The following MAP2K5 variants were observed in gnomAD, a reference collection of about 807,000 sequenced individuals.
MAP2K5 encodes mitogen-activated protein kinase kinase 5, also known as dual specificity mitogen-activated protein kinase kinase 5.
In MAP2K5, 49 loss-of-function variants were observed where a neutral mutation model predicts 83.1. That is an observed-to-expected ratio of 0.59 (90% CI 0.47 to 0.75). The LOEUF (loss-of-function observed/expected upper bound fraction) is 0.75, where lower values mean the gene tolerates loss of function less well. Among genes scored for constraint, MAP2K5 ranks in the 30% least tolerant of loss-of-function variants. The pLI, the probability that MAP2K5 is intolerant of heterozygous loss-of-function variation, is 0.00. For synonymous variants in MAP2K5, 202 were observed against 191.8 expected (o/e 1.05, Z -0.44); for missense variants, 457 against 557.5 (o/e 0.82, Z 1.82).
chr15:67,782,392 G>A lies in MAP2K5; in HGVS notation c.1242+9640G>A, dbSNP rs554803239. On this transcript the variant is annotated intron_variant, in intron 21 of 21. Coordinates refer to ENST00000178640, the MANE Select transcript of MAP2K5 (RefSeq NM_145160.3). This position sits in a 1 kb window ranked among gnomAD's most constrained non-coding sequence, Gnocchi z 4.9. ...AAACAGATGCCCTAACCATTTTGGG[G>A]GATTGATTTGAGGGCACCGAGGAAT... Among the ~76,000 whole-genome samples, 5 of 152,320 alleles carry A rather than the reference G, an allele frequency of 3.3e-5. No individual in the cohort carries two copies. In the East Asian group the frequency reaches 7.7e-4, roughly 23 times the overall value.
chr15:67,744,937 T>C (rs2089571309), intron 17 of MAP2K5, among the ~76,000 whole-genome samples: 1 of 152,198 alleles, frequency 6.6e-6, no homozygotes, highest in Non-Finnish European at 1.5e-5. Context: ...TTCTTCCCCA[T>C]TTAAACACAT....
rs563949939 is a variant in MAP2K5 at position 67,748,006 on chromosome 15, C to T, written c.1075-225C>T. 1.1e-4 allele frequency among the ~76,000 whole-genome samples: 16 copies of T among 152,292 alleles called. No homozygotes were observed. The highest frequency in any genetic ancestry group is 3.8e-4 in the African/African-American group (16 of 41,570). On this transcript the variant is annotated intron_variant, in intron 17 of 21. Transcript: ENST00000178640. This position sits in a 1 kb window ranked among gnomAD's most constrained non-coding sequence, Gnocchi z 4.0. The stretch of plus-strand genomic sequence containing the variant: ...GGTTTTTCTCCCTATTCTAATACAA[C>T]CTGGAGGGTACTAAAAAGTGTTGTG...
In MAP2K5 at chr15:67,652,631, T is replaced by C. The variant is rs1021909979; in HGVS notation, c.737-5922T>C. Among the ~76,000 whole-genome samples the C allele has an allele frequency of 2.6e-5, 4 of 152,182 alleles. No homozygotes were observed. The highest frequency in any genetic ancestry group is 5.9e-5 in the Non-Finnish European group (4 of 68,030). On this transcript the variant is annotated intron_variant, in intron 11 of 21. Coordinates refer to ENST00000178640, the MANE Select transcript of MAP2K5 (RefSeq NM_145160.3). The surrounding 1 kb of genome is among the most constrained non-coding windows in gnomAD (Gnocchi z 4.2). ...TGGGAGTGAGATTTCAACATGAGTT[T>C]TGAAGGGGACAAATATTCAAACTGT... is the stretch of plus-strand genomic sequence containing the variant.
chr15:67,565,322 C>T lies in MAP2K5; in HGVS notation c.252+1972C>T, dbSNP rs905047035. ...TTGGCTCACTGCAACCTCTGTCTCC[C>T]GGGTTTAAGCAATTCTCCTGCCTCA... On this transcript the variant is annotated intron_variant, in intron 3 of 21. Transcript: ENST00000178640. This position sits in a 1 kb window ranked among gnomAD's most constrained non-coding sequence, Gnocchi z 4.1. Among the ~76,000 whole-genome samples, 1 of 151,958 alleles carries T rather than the reference C, an allele frequency of 6.6e-6. No individual in the cohort carries two copies. The highest frequency in any genetic ancestry group is 1.5e-5 in the Non-Finnish European group (1 of 67,998).
intron 17 of MAP2K5, among the ~76,000 whole-genome samples, chr15:67,739,464 T>A (rs7176845): frequency 3.5e-3 from 73 of 20,644 alleles, no homozygotes; most frequent in African/African-American, 5.4e-3. Context: ...ATATATATAT[T>A]TTTTTTTTTT....
In MAP2K5 at chr15:67,717,886, C is replaced by G. The variant is rs1325438742; in HGVS notation, c.1045-10030C>G. 6.6e-6 allele frequency: 1 copy of G among 152,186 alleles called. No individual in the cohort carries two copies. The highest frequency in any genetic ancestry group is 1.5e-5 in the Non-Finnish European group (1 of 68,048). 9.4% of individuals were successfully genotyped at this position (152,186 alleles called of 1,614,324 possible). A position where few individuals can be genotyped will look rare whatever the true frequency, so the allele number is the denominator to read the frequency against. ...TTAAGGCCCAACCTCAGAAATTACACAGGATTGTTCCTGCCACATTCTGTT... is the reference window on the plus strand; with the variant it reads ...TTAAGGCCCAACCTCAGAAATTACAGAGGATTGTTCCTGCCACATTCTGTT... On this transcript the variant is annotated intron_variant, in intron 16 of 21. Coordinates refer to ENST00000178640, the MANE Select transcript of MAP2K5 (RefSeq NM_145160.3). The surrounding 1 kb of genome is among the most constrained non-coding windows in gnomAD (Gnocchi z 4.1).
At chr15:67,613,440 G>A (rs1296597489) in intron 8 of MAP2K5, among the ~76,000 whole-genome samples, 5 of 152,152 alleles carry the variant, frequency 3.3e-5, no homozygotes, top group South Asian at 2.1e-4. Context: ...ACATGTGAAA[G>A]ACCAGCTGTT....
At chr15:67,651,859 CT>C (rs2141129301) in intron 11 of MAP2K5, among the ~76,000 whole-genome samples, 1 of 152,292 alleles carries the variant, frequency 6.6e-6, no homozygotes, top group East Asian at 1.9e-4. Flanking sequence ...GATTTCCTTT[CT>C]TTTGGATATA....
At chr15:67,699,243 G>A (rs1423683339) in intron 15 of MAP2K5, among the ~76,000 whole-genome samples, 2 of 151,954 alleles carry the variant, frequency 1.3e-5, no homozygotes, top group East Asian at 3.9e-4. Flanking sequence ...TAGAATGGGA[G>A]CCCCATCACT....
chr15:67,726,145 G>T (rs909789202), intron 16 of MAP2K5, among the ~76,000 whole-genome samples: 5 of 152,146 alleles, frequency 3.3e-5, no homozygotes, highest in African/African-American at 1.2e-4. Context: ...TATATTTTGT[G>T]TACAAGATAT....
At chr15:67,771,422 G>A (rs564146876) in intron 20 of MAP2K5, among the ~76,000 whole-genome samples, 1 of 152,114 alleles carries the variant, frequency 6.6e-6, no homozygotes, top group African/African-American at 2.4e-5. Context: ...AGTGGATAAG[G>A]CTTCACCTCC....
At chr15:67,554,764 G>A (rs2084590022) in intron 2 of MAP2K5, among the ~76,000 whole-genome samples, 1 of 152,236 alleles carries the variant, frequency 6.6e-6, no homozygotes, top group Non-Finnish European at 1.5e-5. Flanking sequence ...TTAGTAATGA[G>A]CTTGCTGCCT....
chr15:67,749,054 A>G lies in MAP2K5; in HGVS notation c.1134+453A>G, dbSNP rs181787144. 1.3e-5 allele frequency among the ~76,000 whole-genome samples: 2 copies of G among 152,216 alleles called. No homozygotes were observed. The highest frequency in any genetic ancestry group is 4.8e-5 in the African/African-American group (2 of 41,502). On this transcript the variant is annotated intron_variant, in intron 19 of 21. Coordinates refer to ENST00000178640, the MANE Select transcript of MAP2K5 (RefSeq NM_145160.3). The surrounding 1 kb of genome is among the most constrained non-coding windows in gnomAD (Gnocchi z 4.6). The stretch of plus-strand genomic sequence containing the variant: ...ATCAGAGTGATAAAAGGGCTCAAAA[A>G]CTCTAGGTCAACAGTTCAGCGTTAA...
chr15:67,625,225 C>G (rs931886795), intron 8 of MAP2K5, among the ~76,000 whole-genome samples: 1 of 152,206 alleles, frequency 6.6e-6, no homozygotes, highest in Admixed American at 6.5e-5. Context: ...TTCGCTTGCA[C>G]TGGGCTCTTT....
intron 8 of MAP2K5, among the ~76,000 whole-genome samples, chr15:67,625,289 A>G (rs954420291): frequency 2.0e-5 from 3 of 152,168 alleles, no homozygotes; most frequent in Non-Finnish European, 4.4e-5. Context: ...TTGCCATGGT[A>G]AAGTGTATGT....
intron 7 of MAP2K5, among the ~76,000 whole-genome samples, chr15:67,598,336 A>T (rs2085576028): frequency 6.6e-6 from 1 of 152,234 alleles, no homozygotes; most frequent in South Asian, 2.1e-4. Flanking sequence ...ATACTAAGTG[A>T]CATGGTTCCA....
intron 19 of MAP2K5, among the ~76,000 whole-genome samples, chr15:67,754,659 G>T (rs2089795614): frequency 6.6e-6 from 1 of 152,176 alleles, no homozygotes; most frequent in Admixed American, 6.5e-5. Flanking sequence ...TATTTGAGCT[G>T]GGCTTTGGAA....
intron 9 of MAP2K5, chr15:67,642,431 A>G (rs897474621): frequency 1.6e-5 from 26 of 1,610,920 alleles, no homozygotes; most frequent in Non-Finnish European, 2.1e-5. Flanking sequence ...TGAGGGATGC[A>G]TGCTCAAGGC....
intron 8 of MAP2K5, among the ~76,000 whole-genome samples, chr15:67,626,288 C>T (rs563840120): frequency 7.9e-5 from 12 of 152,116 alleles, no homozygotes; most frequent in South Asian, 2.1e-4. Flanking sequence ...TTTGGGAGGC[C>T]GAGGCTGGTA....
Sources: allele counts gnomAD v4.1 joint callset (sites outside exome capture counted in the v4.1 genomes callset), GRCh38; gene constraint gnomAD v4.1.1; non-coding constraint Gnocchi (gnomAD v3.1); transcripts MANE v1.5; gene names NCBI Gene and HGNC (gene_info 2026-07-23, HGNC 2026-07-21).